The following DOCK3 variants were observed in gnomAD, a reference collection of about 807,000 sequenced individuals.
The protein encoded by DOCK3 is dedicator of cytokinesis 3.
A neutral mutation model predicts 265.6 loss-of-function variants in DOCK3; 60 were observed. That is an observed-to-expected ratio of 0.23 (90% CI 0.18 to 0.28). DOCK3 has a LOEUF of 0.28. Ranked by LOEUF, DOCK3 falls within the 10% of genes least tolerant of loss-of-function variation. The probability of loss-of-function intolerance (pLI) is 1.00; values close to 1 mark genes in which losing one functional copy is unlikely to be tolerated. For missense variants in DOCK3, 1,981 were observed against 2,594.3 expected (o/e 0.76, Z 5.14); for synonymous variants, 881 against 938.0 (o/e 0.94, Z 1.11).
intron 14 of DOCK3, 41 bp downstream of exon 14, chr3:51,214,288 G>T (rs2089663944): frequency 6.2e-7 from 1 of 1,608,582 alleles, no homozygotes; most frequent in African/African-American, 1.3e-5. Context: ...AGATGGGTTA[G>T]GATGGAATCT....
At chr3:50,787,755 CT>C in intron 2 of DOCK3, 2 of 1,170,306 alleles carry the variant, frequency 1.7e-6, no homozygotes, top group South Asian at 1.2e-5. Flanking sequence ...TTATCTTCTC[CT>C]TTTTCTTCTG....
At chr3:50,746,109 A>ATTTTTTTTTTTTTTTTT in intron 1 of DOCK3, among the ~76,000 whole-genome samples, 1 of 135,468 alleles carries the variant, frequency 7.4e-6, no homozygotes, top group Non-Finnish European at 1.6e-5. Context: ...ATGATGTCTA[A>ATTTTTTTTTTTTTTTTT]TTTTTTTTTT....
intron 2 of DOCK3, among the ~76,000 whole-genome samples, chr3:50,785,407 G>A (rs2042131216): frequency 2.0e-5 from 3 of 152,078 alleles, no homozygotes; most frequent in Admixed American, 2.0e-4. Flanking sequence ...GTTCTCAGGT[G>A]GAATGCTTTT....
At chr3:50,952,788 C>T (rs1007693094) in intron 5 of DOCK3, among the ~76,000 whole-genome samples, 5 of 152,076 alleles carry the variant, frequency 3.3e-5, no homozygotes, top group African/African-American at 1.2e-4. Context: ...TCTAGGTTTG[C>T]GTGTTAGTGC....
At chr3:51,149,587 A>G (rs1039780522) in intron 10 of DOCK3, among the ~76,000 whole-genome samples, 2 of 152,170 alleles carry the variant, frequency 1.3e-5, no homozygotes, top group African/African-American at 2.4e-5. Context: ...TTCTGCATCT[A>G]TTGAGATAAT....
chr3:50,759,671 T>TA (rs35332441), intron 1 of DOCK3, among the ~76,000 whole-genome samples: 1,519 of 118,692 alleles, frequency 0.013, 29 homozygotes, highest in African/African-American at 0.042. Flanking sequence ...ACCCCGTCTC[T>TA]AAAAAAAAAA....
chr3:51,349,523 G>A (rs1013646293), intron 39 of DOCK3, among the ~76,000 whole-genome samples: 4 of 152,132 alleles, frequency 2.6e-5, no homozygotes, highest in Admixed American at 2.6e-4. Context: ...TAACTCTCCT[G>A]TTCTATGATC....
intron 1 of DOCK3, among the ~76,000 whole-genome samples, chr3:50,746,662 C>G (rs1037494148): frequency 1.3e-5 from 2 of 152,062 alleles, no homozygotes; most frequent in Non-Finnish European, 2.9e-5. Flanking sequence ...GGCATAGTGC[C>G]GGCATCTGCT....
chr3:51,290,669 G>A (rs894786358), intron 27 of DOCK3, among the ~76,000 whole-genome samples: 3 of 152,122 alleles, frequency 2.0e-5, no homozygotes, highest in Admixed American at 1.3e-4. Flanking sequence ...ATGTACCCTA[G>A]AACTTAAAGT....
At chr3:51,215,815 TTA>T (rs1175083473) in intron 14 of DOCK3, among the ~76,000 whole-genome samples, 3 of 152,112 alleles carry the variant, frequency 2.0e-5, no homozygotes, top group African/African-American at 7.2e-5. Context: ...AGTAGATCAG[TTA>T]TGTTTTTCTC....
In DOCK3 at chr3:51,309,902, G is replaced by A. The variant is rs1394134129; in HGVS notation, c.2923-330G>A. ...CCATGCCCCAGAAAATGAAGCCCAT[G>A]GACTCAGTCGGACACCAGTTTGGCT... On this transcript the variant is annotated intron_variant, in intron 27 of 52. Coordinates refer to ENST00000266037, the MANE Select transcript of DOCK3 (RefSeq NM_004947.5). Among the ~76,000 whole-genome samples, 3 of 152,234 alleles carry A rather than the reference G, an allele frequency of 2.0e-5. No homozygotes were observed. In the East Asian group the frequency reaches 5.8e-4, roughly 29 times the overall value.
intron 44 of DOCK3, 139 bp from the exon 45 acceptor site, chr3:51,357,619 C>A: frequency 1.3e-6 from 1 of 749,706 alleles, no homozygotes; most frequent in Non-Finnish European, 2.2e-6. Flanking sequence ...GAAGTTCAAA[C>A]AGGCCAGACT....
intron 26 of DOCK3, among the ~76,000 whole-genome samples, chr3:51,279,434 G>T (rs2080996551): frequency 6.6e-6 from 1 of 152,154 alleles, no homozygotes; most frequent in Non-Finnish European, 1.5e-5. Flanking sequence ...GCCAAAAGTT[G>T]CTGTAAGATG....
chr3:51,356,360 G>C, intron 42 of DOCK3, 47 bp from the exon 43 acceptor site: 4 of 1,612,896 alleles, frequency 2.5e-6, no homozygotes, highest in Non-Finnish European at 3.4e-6. Flanking sequence ...GGCAGGGTGT[G>C]GCAAAACTTG....
At chr3:51,060,765 G>A (rs897306180) in intron 5 of DOCK3, among the ~76,000 whole-genome samples, 2 of 152,002 alleles carry the variant, frequency 1.3e-5, no homozygotes, top group East Asian at 1.9e-4. Context: ...CTCTGTTTTG[G>A]TACCAGTACC....
chr3:51,013,973 T>A (rs980028990), intron 5 of DOCK3, among the ~76,000 whole-genome samples: 4 of 152,334 alleles, frequency 2.6e-5, no homozygotes, highest in Middle Eastern at 3.4e-3. Flanking sequence ...CACTGAGCCA[T>A]GCGCAGGATA....
chr3:50,924,158 G>A (rs1431258108), intron 4 of DOCK3, among the ~76,000 whole-genome samples: 6 of 152,150 alleles, frequency 3.9e-5, no homozygotes, highest in African/African-American at 1.4e-4. Context: ...AGTCCTCAAA[G>A]ATAGAAAGCA....
At chr3:50,814,709 T>C (rs1026578075) in intron 2 of DOCK3, among the ~76,000 whole-genome samples, 2 of 152,242 alleles carry the variant, frequency 1.3e-5, no homozygotes, top group African/African-American at 2.4e-5. Flanking sequence ...TCTCTTTCAG[T>C]TGTATTTATC....
chr3:50,844,723 G>A (rs1336175856), intron 3 of DOCK3, among the ~76,000 whole-genome samples: 3 of 152,154 alleles, frequency 2.0e-5, no homozygotes, highest in Non-Finnish European at 4.4e-5. Context: ...TAGGCAGGAA[G>A]TATAACTAAA....
Sources: gnomAD v4.1 joint callset for allele counts (sites outside exome capture counted in the v4.1 genomes callset) on GRCh38, gnomAD v4.1.1 for gene constraint, MANE v1.5 for transcripts, NCBI Gene and HGNC (gene_info 2026-07-23, HGNC 2026-07-21) for gene names.